Variants in KAZN observed in about 807,000 individuals in gnomAD.
The protein encoded by KAZN is kazrin, periplakin interacting protein, also known as kazrin.
A neutral mutation model predicts 87.4 loss-of-function variants in KAZN; 40 were observed. That is an observed-to-expected ratio of 0.46 (90% confidence interval 0.36 to 0.60). KAZN has a LOEUF of 0.60. KAZN is among the 20% of genes least tolerant of loss of function. KAZN has a pLI of 0.00. For missense variants in KAZN, 898 were observed against 1,073.9 expected (o/e 0.84, Z 2.29); for synonymous variants, 466 against 458.3 (o/e 1.02, Z -0.22).
At chr1:14,707,714 A>G (rs1239836141) in intron 1 of KAZN, among the ~76,000 whole-genome samples, 2 of 152,218 alleles carry the variant, frequency 1.3e-5, no homozygotes, top group African/African-American at 4.8e-5. Context: ...CGTGTCAGTC[A>G]TCAGGAAACC....
intron 2 of KAZN, among the ~76,000 whole-genome samples, chr1:14,369,906 C>G (rs898278129): frequency 2.6e-5 from 4 of 152,160 alleles, no homozygotes; most frequent in African/African-American, 9.7e-5. Flanking sequence ...AATGTAATAG[C>G]TAAATAAATT....
intron 2 of KAZN, among the ~76,000 whole-genome samples, chr1:14,299,459 C>T (rs1654372084): frequency 6.6e-6 from 1 of 152,088 alleles, no homozygotes; most frequent in Admixed American, 6.5e-5. Context: ...GCCGAGATCA[C>T]ACCACTGCAC....
chr1:14,234,848 A>T (rs989978623), intron 2 of KAZN, among the ~76,000 whole-genome samples: 11 of 152,366 alleles, frequency 7.2e-5, no homozygotes, highest in Admixed American at 6.5e-4. Context: ...AACCTTTCAG[A>T]TATGTATACT....
chr1:15,102,348 G>A (rs1265648510), intron 11 of KAZN, among the ~76,000 whole-genome samples: 3 of 152,182 alleles, frequency 2.0e-5, no homozygotes, highest in Non-Finnish European at 2.9e-5. Flanking sequence ...AGGAACCCCA[G>A]GGATCAGTAG....
chr1:14,247,647 G>A (rs116598222), intron 2 of KAZN, among the ~76,000 whole-genome samples: 206 of 152,260 alleles, frequency 1.4e-3, no homozygotes, highest in African/African-American at 4.8e-3. Context: ...GAAGTGCTTC[G>A]TGATCGATAC....
intron 1 of KAZN, among the ~76,000 whole-genome samples, chr1:14,817,609 T>C (rs1646609203): frequency 6.6e-6 from 1 of 152,216 alleles, no homozygotes; most frequent in East Asian, 1.9e-4. Flanking sequence ...TATGCCTTGC[T>C]GTCTTCTCTC....
intron 1 of KAZN, among the ~76,000 whole-genome samples, chr1:14,074,187 A>G (rs77445477): frequency 1.3e-5 from 2 of 152,132 alleles, no homozygotes; most frequent in African/African-American, 4.8e-5. Context: ...CTACCTCACA[A>G]ATGCACCTGG....
chr1:14,819,341 G>T (rs973825610), intron 1 of KAZN, among the ~76,000 whole-genome samples: 1 of 152,176 alleles, frequency 6.6e-6, no homozygotes. Context: ...TGGCTGGGCT[G>T]TGGGGCCCAG....
At chr1:14,368,901 G>A (rs1660236728) in intron 2 of KAZN, among the ~76,000 whole-genome samples, 2 of 152,168 alleles carry the variant, frequency 1.3e-5, no homozygotes, top group Non-Finnish European at 2.9e-5. Context: ...CCCGTGTTAG[G>A]TAGTTCTCTC....
chr1:14,368,170 G>GA lies in KAZN; in HGVS notation c.249+187579dup, dbSNP rs202080641. ...ATTCAATGTGTTTGTTGACTGCTAT[G>GA]AGGGTATACGGTGCAAGGAAAGAAA... On this transcript the variant is annotated intron_variant, in intron 2 of 16. Transcript: ENST00000636203. Among the ~76,000 whole-genome samples the GA allele has an allele frequency of 5.9e-3, 905 of 152,216 alleles. 24 individuals are homozygous for GA. Among genetic ancestry groups the GA allele is most frequent in the South Asian group, 5.0e-3 (24 of 4,812 alleles).
chr1:14,796,915 G>A (rs1052465868), intron 1 of KAZN, among the ~76,000 whole-genome samples: 76 of 152,348 alleles, frequency 5.0e-4, no homozygotes, highest in African/African-American at 1.8e-3. Context: ...GCAGCTCCCA[G>A]GTACCCCATG....
intron 1 of KAZN, among the ~76,000 whole-genome samples, chr1:14,137,720 T>G (rs1350923687): frequency 6.8e-6 from 1 of 147,960 alleles, no homozygotes; most frequent in Non-Finnish European, 1.5e-5. Flanking sequence ...TTTTTTTTTT[T>G]TTTTTGAGAC....
chr1:14,941,035 C>G (rs1384206930), intron 1 of KAZN, among the ~76,000 whole-genome samples: 1 of 150,982 alleles, frequency 6.6e-6, no homozygotes, highest in African/African-American at 2.4e-5. Flanking sequence ...CCTGCCTCGG[C>G]TTCCCAAGTA....
chr1:14,321,146 C>T (rs1196331986), intron 2 of KAZN, among the ~76,000 whole-genome samples: 1 of 152,158 alleles, frequency 6.6e-6, no homozygotes, highest in African/African-American at 2.4e-5. Context: ...CTTAAATGCT[C>T]ATCAAGGCTC....
chr1:14,425,763 G>T (rs1665686642), intron 2 of KAZN, among the ~76,000 whole-genome samples: 1 of 152,154 alleles, frequency 6.6e-6, no homozygotes. Context: ...TGGTGAGGGG[G>T]ACATTATTTG....
chr1:14,102,224 C>G (rs1644272346), intron 1 of KAZN, among the ~76,000 whole-genome samples: 1 of 151,828 alleles, frequency 6.6e-6, no homozygotes, highest in South Asian at 2.1e-4. Flanking sequence ...GTTTACGTGC[C>G]CACAGGGTCT....
In KAZN at chr1:14,053,271, G is replaced by A. The variant is rs2092435; in HGVS notation, c.92-127164G>A. The stretch of plus-strand genomic sequence containing the variant: ...CTACTACCATGAGAAATGGAATTTT[G>A]CCAACAACCTGAGTGAGCTTGGAAG... On this transcript the variant is annotated intron_variant, in intron 1 of 16. Transcript: ENST00000636203. Among the ~76,000 whole-genome samples the A allele has an allele frequency of 8.5e-5, 13 of 152,148 alleles. No homozygotes were observed. The South Asian group carries it at 2.3e-3, about 27-fold the overall frequency.
intron 2 of KAZN, among the ~76,000 whole-genome samples, chr1:14,478,295 A>G (rs981497850): frequency 1.3e-5 from 2 of 151,140 alleles, no homozygotes; most frequent in African/African-American, 2.4e-5. Context: ...GGAAGGGTGG[A>G]TGGGAGGATA....
chr1:14,823,383 T>C (rs948121554), intron 1 of KAZN, among the ~76,000 whole-genome samples: 3 of 152,050 alleles, frequency 2.0e-5, no homozygotes, highest in Non-Finnish European at 4.4e-5. Flanking sequence ...CCCAGTGTGG[T>C]ATCTCCTGCA....
Sources: gnomAD v4.1 joint callset for allele counts (sites outside exome capture counted in the v4.1 genomes callset) on GRCh38, gnomAD v4.1.1 for gene constraint, MANE v1.5 for transcripts, NCBI Gene and HGNC (gene_info 2026-07-23, HGNC 2026-07-21) for gene names.